Variants in UBQLN1 observed in about 807,000 individuals in gnomAD.
The protein encoded by UBQLN1 is ubiquilin-1.
A neutral mutation model predicts 65.4 loss-of-function variants in UBQLN1; 13 were observed. That is an observed-to-expected ratio of 0.20 (90% CI 0.13 to 0.32). The LOEUF (loss-of-function observed/expected upper bound fraction) is 0.32. Ranked by LOEUF, UBQLN1 falls within the 10% of genes least tolerant of loss-of-function variation. The pLI, the probability that UBQLN1 is intolerant of heterozygous loss-of-function variation, is 1.00. For missense variants in UBQLN1, 561 were observed against 724.0 expected (o/e 0.77, Z 2.58); for synonymous variants, 267 against 247.8 (o/e 1.08, Z -0.73).
intron 3 of UBQLN1, among the ~76,000 whole-genome samples, chr9:83,682,456 G>A (rs1397555899): frequency 1.3e-5 from 2 of 151,484 alleles, no homozygotes; most frequent in African/African-American, 2.4e-5. Flanking sequence ...TCTAGCCTCC[G>A]TGACTGAGCA....
At chr9:83,704,763 T>C (rs1322417969) in intron 1 of UBQLN1, among the ~76,000 whole-genome samples, 2 of 139,948 alleles carry the variant, frequency 1.4e-5, no homozygotes, top group African/African-American at 5.4e-5. Context: ...GAAGGGGAGG[T>C]TGCAGTGAGC....
intron 7 of UBQLN1, chr9:83,668,048 C>T (rs1309557979): frequency 1.0e-4 from 102 of 985,220 alleles, no homozygotes; most frequent in Non-Finnish European, 1.2e-4. Flanking sequence ...TAGCCAAATA[C>T]ACACTTAAAA....
At chr9:83,673,806 ATTTGT>A (rs1191735889) in intron 6 of UBQLN1, among the ~76,000 whole-genome samples, 1 of 151,956 alleles carries the variant, frequency 6.6e-6, no homozygotes, top group Admixed American at 6.6e-5. Flanking sequence ...TCATACTGTT[ATTTGT>A]TTTGTTTTGA....
chr9:83,697,763 T>G (rs1587662408), intron 1 of UBQLN1, among the ~76,000 whole-genome samples: 4 of 125,676 alleles, frequency 3.2e-5, no homozygotes, highest in South Asian at 5.0e-4. Flanking sequence ...TGAGACGAAG[T>G]CTCACTCTTA....
At chr9:83,685,127 T>C (rs1434000555) in intron 2 of UBQLN1, among the ~76,000 whole-genome samples, 3 of 150,608 alleles carry the variant, frequency 2.0e-5, no homozygotes, top group South Asian at 2.1e-4. Flanking sequence ...GAAGTTACCA[T>C]GTATTCAGAA....
intron 7 of UBQLN1, 30 bp downstream of exon 7, chr9:83,669,155 C>T: frequency 6.3e-7 from 1 of 1,593,428 alleles, no homozygotes; most frequent in Non-Finnish European, 8.5e-7. Context: ...TCACACTGCA[C>T]AGTCTTTTTC....
intron 6 of UBQLN1, among the ~76,000 whole-genome samples, chr9:83,672,452 C>T (rs748292711): frequency 2.0e-5 from 3 of 152,036 alleles, no homozygotes; most frequent in Non-Finnish European, 2.9e-5. Flanking sequence ...TACTTAGAGG[C>T]CACTGTAGAG....
intron 1 of UBQLN1, among the ~76,000 whole-genome samples, chr9:83,693,060 A>G (rs1832154864): frequency 6.6e-6 from 1 of 152,250 alleles, no homozygotes; most frequent in Non-Finnish European, 1.5e-5. Flanking sequence ...ACAAATGTAC[A>G]TCCAACTCTG....
rs886354039 is a variant in UBQLN1 at position 83,707,725 on chromosome 9, G to C, written c.-46C>G. On this transcript the variant is annotated 5_prime_UTR_variant, in exon 1 of 11. Coordinates refer to ENST00000376395, the MANE Select transcript of UBQLN1 (RefSeq NM_013438.5). ...CGGTGACTCAGGCAAGCAGGAGGGA[G>C]CAGGCGAGCAAGGAGGAGCCAGCAG... The C allele has an allele frequency of 6.6e-7, 1 of 1,510,340 alleles. No individual in the cohort carries two copies. Among genetic ancestry groups the C allele is most frequent in the African/African-American group, 1.4e-5 (1 of 70,348 alleles). The allele number at this position is 1,510,340 out of a possible 1,614,324, so 93.6% of individuals were successfully genotyped here. A position where few individuals can be genotyped will look rare whatever the true frequency, so the allele number is the denominator to read the frequency against.
At chr9:83,703,217 T>C (rs1282954068) in intron 1 of UBQLN1, among the ~76,000 whole-genome samples, 1 of 152,136 alleles carries the variant, frequency 6.6e-6, no homozygotes, top group East Asian at 1.9e-4. Context: ...TTTATGCTTT[T>C]GTATCTATTT....
rs1276954292 is a variant in UBQLN1, at chr9:83,707,572, G to A, written c.108C>T (p.Ile36=). ...TCGGGGTCTTCACGGTGACTTTCAT[G>A]ATTTTGGGCTCCGCGGAGGCAGCGG... The part of the protein sequence containing the change: ...PAAAASAEPK[I]MKVTVKTPKE... The change falls in exon 1 of 11, where the codon ATC becomes ATT. Residue 36 remains isoleucine, a synonymous_variant. Transcript: ENST00000376395. 2 of 1,609,420 alleles carry A rather than the reference G, an allele frequency of 1.2e-6. No individual in the cohort carries two copies. The highest frequency in any genetic ancestry group is 2.3e-5 in the East Asian group (1 of 44,262).
At chr9:83,689,713 G>A (rs1832095314) in intron 1 of UBQLN1, among the ~76,000 whole-genome samples, 1 of 152,028 alleles carries the variant, frequency 6.6e-6, no homozygotes, top group East Asian at 1.9e-4. Context: ...TGTTTTAAAG[G>A]GGCACCATAT....
intron 1 of UBQLN1, among the ~76,000 whole-genome samples, chr9:83,695,112 A>G (rs1832187917): frequency 6.6e-6 from 1 of 151,994 alleles, no homozygotes; most frequent in African/African-American, 2.4e-5. Context: ...TAAAAATTAT[A>G]TATGAACATA....
rs78549631 is a variant in UBQLN1 at position 83,685,135 on chromosome 9, G to C, written c.332+869C>G. On this transcript the variant is annotated intron_variant, in intron 2 of 10. Transcript: ENST00000376395. ...ACTGACAGAAGTTACCATGTATTCA[G>C]AATAGCACCAAAATAGAAGGAATAT... is the stretch of plus-strand genomic sequence containing the variant. Among the ~76,000 whole-genome samples the C allele has an allele frequency of 8.9e-3, 1,302 of 146,668 alleles. 36 individuals are homozygous for C. Among genetic ancestry groups the C allele is most frequent in the East Asian group, 0.065 (236 of 3,658 alleles).
intron 2 of UBQLN1, among the ~76,000 whole-genome samples, chr9:83,685,277 T>C (rs546570595): frequency 2.0e-5 from 3 of 152,238 alleles, no homozygotes; most frequent in East Asian, 3.9e-4. Context: ...TTTTAAGCAA[T>C]GCTACACCAC....
At position 83,707,711 on chromosome 9, in the gene UBQLN1, G is replaced by A. The variant is rs1238786507; in HGVS notation, c.-32C>T. On this transcript the variant is annotated 5_prime_UTR_variant, in exon 1 of 11. Coordinates refer to ENST00000376395, the MANE Select transcript of UBQLN1 (RefSeq NM_013438.5). The stretch of plus-strand genomic sequence containing the variant: ...GGCGGCGGCGGCGGCGGTGACTCAG[G>A]CAAGCAGGAGGGAGCAGGCGAGCAA... 7.9e-6 allele frequency: 12 copies of A among 1,521,012 alleles called. No individual in the cohort carries two copies. In the South Asian group the frequency reaches 1.1e-4, roughly 14 times the overall value. The allele number at this position is 1,521,012 out of a possible 1,614,324, so 94.2% of individuals were successfully genotyped here. A position where few individuals can be genotyped will look rare whatever the true frequency, so the allele number is the denominator to read the frequency against.
chr9:83,681,130 A>G (rs1366233682), intron 3 of UBQLN1, among the ~76,000 whole-genome samples: 3 of 152,258 alleles, frequency 2.0e-5, no homozygotes, highest in Non-Finnish European at 4.4e-5. Flanking sequence ...CACTGGGTAC[A>G]AGAGGGCTGA....
rs769814855 is a variant in UBQLN1 at position 83,707,715 on chromosome 9, G to C, written c.-36C>G. The C allele has an allele frequency of 6.6e-7, 1 of 1,516,250 alleles. No homozygotes were observed. The highest frequency in any genetic ancestry group is 8.8e-7 in the Non-Finnish European group (1 of 1,140,106). 93.9% of individuals were successfully genotyped at this position (1,516,250 alleles called of 1,614,324 possible). A position where few individuals can be genotyped will look rare whatever the true frequency, so the allele number is the denominator to read the frequency against. On this transcript the variant is annotated 5_prime_UTR_variant, in exon 1 of 11. Coordinates refer to ENST00000376395, the MANE Select transcript of UBQLN1 (RefSeq NM_013438.5). ...GCGGCGGCGGCGGTGACTCAGGCAA[G>C]CAGGAGGGAGCAGGCGAGCAAGGAG...
intron 6 of UBQLN1, among the ~76,000 whole-genome samples, chr9:83,673,532 G>A (rs1004353904): frequency 1.6e-5 from 2 of 123,096 alleles, no homozygotes; most frequent in African/African-American, 3.0e-5. Context: ...GTGACAGGTC[G>A]AGACTCGGTC....
Sources: allele counts gnomAD v4.1 joint callset (sites outside exome capture counted in the v4.1 genomes callset), GRCh38; gene constraint gnomAD v4.1.1; transcripts MANE v1.5; gene names NCBI Gene and HGNC (gene_info 2026-07-23, HGNC 2026-07-21).